The following PRPSAP1 variants were observed in gnomAD, a reference collection of about 807,000 sequenced individuals.
PRPSAP1 encodes phosphoribosyl pyrophosphate synthase-associated protein 1.
A neutral mutation model predicts 39.4 loss-of-function variants in PRPSAP1; 31 were observed. The ratio of observed to expected loss-of-function variants is 0.79; its 90% CI spans 0.59 to 1.06. PRPSAP1 has a LOEUF of 1.06. PRPSAP1 is among the 50% of genes least tolerant of loss of function. The probability of loss-of-function intolerance (pLI) is 0.00; values close to 1 mark genes in which losing one functional copy is unlikely to be tolerated. For missense variants in PRPSAP1, 430 were observed against 511.6 expected, an observed-to-expected ratio of 0.84 and a Z score of 1.54; for synonymous variants, 212 against 192.6, an observed-to-expected ratio of 1.10 and a Z score of -0.83.
chr17:76,312,688 G>A (rs985285887), intron 9 of PRPSAP1, 182 bp downstream of exon 9: 9 of 632,006 alleles, frequency 1.4e-5, no homozygotes, highest in Non-Finnish European at 2.2e-5. Flanking sequence ...CTTCTAAGTT[G>A]AACCATGGTA....
At chr17:76,316,240 A>G (rs1023580247) in intron 7 of PRPSAP1, among the ~76,000 whole-genome samples, 4 of 152,066 alleles carry the variant, frequency 2.6e-5, no homozygotes, top group African/African-American at 7.2e-5. Flanking sequence ...TCAAATATCA[A>G]TGGAAATTCA....
At chr17:76,347,484 CAAAAA>C (rs71161289) in intron 2 of PRPSAP1, among the ~76,000 whole-genome samples, 1,912 of 24,796 alleles carry the variant, frequency 0.077, 10 homozygotes, top group Non-Finnish European at 0.12. Flanking sequence ...AAGACTCCGT[CAAAAA>C]AAAAAAAAAA....
At position 76,312,998 on chromosome 17, in the gene PRPSAP1, C is replaced by A. The variant is rs1261564992; in HGVS notation, c.871G>T (p.Val291Leu). ...TCCGCGGCAGCAACAAAACTCTCCA[C>A]ATCGTCAATAATGTCATCCTGGGAG... ...AIIVDDIIDD[V>L]ESFVAAAEIL... The change falls in exon 9 of 10, where the codon GTG becomes TTG. Residue 291 changes from valine (V) to leucine (L), a missense_variant. Around this residue, in one of 2 missense-constraint regions of PRPSAP1, gnomAD observed 278 missense variants for 376.3 expected, o/e 0.74. Coordinates refer to ENST00000446526, the MANE Select transcript of PRPSAP1 (RefSeq NM_002766.3). 2 of 1,613,866 alleles carry A rather than the reference C, an allele frequency of 1.2e-6. No homozygotes were observed. The highest frequency in any genetic ancestry group is 2.7e-5 in the African/African-American group (2 of 74,994).
Position 76,338,191 on chromosome 17 carries a change from CA to C in PRPSAP1, c.291-5757del, listed in dbSNP as rs1239642625. On this transcript the variant is annotated intron_variant, in intron 3 of 9. Coordinates refer to ENST00000446526, the MANE Select transcript of PRPSAP1 (RefSeq NM_002766.3). ...AAGAAATATGCTGCAAGTTTGGAAG[CA>C]GTAGTTCCAAAGCTATTCCAAGCAA... Among the ~76,000 whole-genome samples the C allele has an allele frequency of 2.0e-5, 3 of 152,158 alleles. No homozygotes were observed. The East Asian group carries it at 5.8e-4, about 29-fold the overall frequency.
At position 76,320,265 on chromosome 17, in the gene PRPSAP1, AAAAG is replaced by A. The variant is rs1216954765; in HGVS notation, c.782-6378_782-6375del. Among the ~76,000 whole-genome samples, 17 of 75,116 alleles carry A rather than the reference AAAAG, an allele frequency of 2.3e-4. 1 individual carries two copies. Among genetic ancestry groups the A allele is most frequent in the Admixed American group, 4.5e-4 (3 of 6,700 alleles). 49.3% of individuals were successfully genotyped at this position (75,116 alleles called of 152,430 possible). ...AGCCTGGGTGAGACAAGAAAGAAAG[AAAAG>A]AAAGAAAGAAAGAAAAGAAAGAAAG... On this transcript the variant is annotated intron_variant, in intron 7 of 9. Transcript: ENST00000446526.
At chr17:76,337,410 G>A (rs2071390493) in intron 3 of PRPSAP1, 1 of 139,842 alleles carries the variant, frequency 7.2e-6, no homozygotes, top group Admixed American at 7.7e-5. Context: ...TTCGTGAAGT[G>A]TTCCATATTG....
At chr17:76,336,458 C>A (rs2071380685) in intron 3 of PRPSAP1, among the ~76,000 whole-genome samples, 1 of 142,608 alleles carries the variant, frequency 7.0e-6, no homozygotes, top group Non-Finnish European at 1.5e-5. Flanking sequence ...AAAGGCCAGG[C>A]ACGGTGGCTC....
At position 76,353,511 on chromosome 17, in the gene PRPSAP1, C is replaced by T. The variant is rs1291139879; in HGVS notation, c.170+23G>A. 5 of 1,482,248 alleles carry T rather than the reference C, an allele frequency of 3.4e-6. No individual in the cohort carries two copies. In the East Asian group the frequency reaches 1.2e-4, roughly 35 times the overall value. 91.8% of individuals were successfully genotyped at this position (1,482,248 alleles called of 1,614,324 possible). A position where few individuals can be genotyped will look rare whatever the true frequency, so the allele number is the denominator to read the frequency against. ...GAGCTAGGCGCCGCCGCCCCCGGCC[C>T]GGCCCTCCCACCGCCCCCTTACTCT... On this transcript the variant is annotated intron_variant, in intron 1 of 9. Coordinates refer to ENST00000446526, the MANE Select transcript of PRPSAP1 (RefSeq NM_002766.3).
At chr17:76,315,194 A>C (rs1246896876) in intron 7 of PRPSAP1, among the ~76,000 whole-genome samples, 1 of 152,260 alleles carries the variant, frequency 6.6e-6, no homozygotes, top group Non-Finnish European at 1.5e-5. Context: ...AAACTACAGG[A>C]TAAAGAAAGG....
At chr17:76,349,067 T>C (rs1028256259) in intron 1 of PRPSAP1, among the ~76,000 whole-genome samples, 3 of 152,126 alleles carry the variant, frequency 2.0e-5, no homozygotes, top group African/African-American at 7.2e-5. Context: ...TCCCAGCACT[T>C]TGGGAGGCCA....
intron 7 of PRPSAP1, among the ~76,000 whole-genome samples, chr17:76,321,468 G>C (rs554386577): frequency 6.6e-6 from 1 of 152,130 alleles, no homozygotes; most frequent in Admixed American, 6.5e-5. Context: ...TTGGACCCGG[G>C]AGGCGGAGGT....
chr17:76,337,898 C>T (rs1229116343), intron 3 of PRPSAP1, among the ~76,000 whole-genome samples: 1 of 152,126 alleles, frequency 6.6e-6, no homozygotes, highest in African/African-American at 2.4e-5. Context: ...AGCCACCGTG[C>T]CCAGCTGTAA....
intron 7 of PRPSAP1, among the ~76,000 whole-genome samples, chr17:76,328,393 G>A (rs533093816): frequency 1.3e-5 from 2 of 152,254 alleles, no homozygotes; most frequent in East Asian, 3.9e-4. Context: ...AGCAGATCAC[G>A]AGGTCTGGAG....
chr17:76,313,784 A>G, intron 8 of PRPSAP1, 37 bp downstream of exon 8: 2 of 1,609,168 alleles, frequency 1.2e-6, no homozygotes, highest in South Asian at 1.1e-5. Flanking sequence ...AAGAGCCAGG[A>G]GTGCCACCTC....
chr17:76,316,290 T>C (rs951594523), intron 7 of PRPSAP1, among the ~76,000 whole-genome samples: 1 of 152,104 alleles, frequency 6.6e-6, no homozygotes, highest in Non-Finnish European at 1.5e-5. Flanking sequence ...TATATTTGTT[T>C]ACTTTTTTGC....
chr17:76,315,864 GCCA>G (rs1257338674), intron 7 of PRPSAP1, among the ~76,000 whole-genome samples: 1 of 151,368 alleles, frequency 6.6e-6, no homozygotes, highest in East Asian at 2.0e-4. Context: ...ACAGGCACGT[GCCA>G]CCACATCTGG....
intron 3 of PRPSAP1, among the ~76,000 whole-genome samples, chr17:76,336,613 T>G (rs964113598): frequency 6.7e-6 from 1 of 149,088 alleles, no homozygotes; most frequent in Non-Finnish European, 1.5e-5. Flanking sequence ...ATGCCTGTAA[T>G]CCCAGTTACT....
At chr17:76,336,839 T>C (rs1044028376) in intron 3 of PRPSAP1, among the ~76,000 whole-genome samples, 13 of 150,888 alleles carry the variant, frequency 8.6e-5, no homozygotes, top group African/African-American at 3.2e-4. Context: ...GAAAGCTCCA[T>C]ACCTCACCCC....
Position 76,332,447 on chromosome 17 carries a change from A to G in PRPSAP1, c.291-12T>C. 3.1e-6 allele frequency: 5 copies of G among 1,613,210 alleles called. No individual in the cohort carries two copies. The highest frequency in any genetic ancestry group is 4.5e-5 in the East Asian group (2 of 44,876). ...CTGTATTCACATCTCTGAAACAGTC[A>G]AAGTTTGTATTTGGGGATTAATTCC... On this transcript the variant is annotated splice_polypyrimidine_tract_variant and intron_variant, in intron 3 of 9. Transcript: ENST00000446526.
Sources: allele counts gnomAD v4.1 joint callset (sites outside exome capture counted in the v4.1 genomes callset), GRCh38; gene constraint gnomAD v4.1.1; regional missense constraint gnomAD v4.1.1; transcripts MANE v1.5; gene names NCBI Gene and HGNC (gene_info 2026-07-23, HGNC 2026-07-21).